CHST8: variants seen among roughly 807,000 people sequenced by gnomAD.
CHST8 encodes GALNAC-4-ST1.
In CHST8, 10 loss-of-function variants were observed where a neutral mutation model predicts 15.0. That is an observed-to-expected ratio of 0.67 (90% confidence interval 0.41 to 1.13). The LOEUF is 1.13. Among genes scored for constraint, CHST8 ranks in the 50% most tolerant of loss-of-function variants. The pLI is 0.00. For synonymous variants in CHST8, 259 were observed against 256.6 expected (o/e 1.01, Z -0.09); for missense variants, 634 against 608.2 (o/e 1.04, Z -0.45).
intron 1 of CHST8, among the ~76,000 whole-genome samples, chr19:33,659,169 G>A (rs1448366315): frequency 6.9e-6 from 1 of 145,220 alleles, no homozygotes; most frequent in Non-Finnish European, 1.5e-5. Context: ...GGGTTCAAGC[G>A]ATTCTCCTGC....
At chr19:33,697,229 T>TTTTA (rs1169968910) in intron 3 of CHST8, among the ~76,000 whole-genome samples, 3 of 152,030 alleles carry the variant, frequency 2.0e-5, no homozygotes, top group Non-Finnish European at 4.4e-5. Flanking sequence ...AATGCTTTAT[T>TTTTA]TTTATTTATT....
At chr19:33,738,398 A>G (rs913328898) in intron 3 of CHST8, among the ~76,000 whole-genome samples, 2 of 152,166 alleles carry the variant, frequency 1.3e-5, no homozygotes, top group African/African-American at 2.4e-5. Context: ...AAACACCACA[A>G]ACCAGTAGGC....
chr19:33,665,337 A>T (rs549223750), intron 1 of CHST8, among the ~76,000 whole-genome samples: 1 of 152,320 alleles, frequency 6.6e-6, no homozygotes, highest in Non-Finnish European at 1.5e-5. Context: ...ACGACCATGG[A>T]GTAAATATTC....
At chr19:33,660,950 C>G (rs1425972429) in intron 1 of CHST8, among the ~76,000 whole-genome samples, 1 of 152,080 alleles carries the variant, frequency 6.6e-6, no homozygotes, top group African/African-American at 2.4e-5. Flanking sequence ...AGTTTTGGGG[C>G]CCACCTGTCC....
chr19:33,660,123 G>A (rs901008495), intron 1 of CHST8, among the ~76,000 whole-genome samples: 3 of 152,118 alleles, frequency 2.0e-5, no homozygotes, highest in South Asian at 2.1e-4. Context: ...CTGTGGATAC[G>A]GGCCCCACCC....
chr19:33,760,299 C>CCTTCCTTCCCGCCTTCCTTCCTCCCTTA, intron 3 of CHST8, among the ~76,000 whole-genome samples: 1 of 145,736 alleles, frequency 6.9e-6, no homozygotes, highest in Non-Finnish European at 1.5e-5. Flanking sequence ...TCCCTCCCTT[C>CCTTCCTTCCCGCCTTCCTTCCTCCCTTA]CTCCCTTCTT....
At position 33,694,858 on chromosome 19, in the gene CHST8, G is replaced by A. The variant is rs556434065; in HGVS notation, c.130+5467G>A. On this transcript the variant is annotated intron_variant, in intron 3 of 4. Coordinates refer to ENST00000650847, the MANE Select transcript of CHST8 (RefSeq NM_001127895.2). ...GGCCTCCCAAAGTGTTGGGATTACAGGCGTAAGCCACCACGCCTAGCTTTA... is the reference window on the plus strand; with the variant it reads ...GGCCTCCCAAAGTGTTGGGATTACAAGCGTAAGCCACCACGCCTAGCTTTA... Among the ~76,000 whole-genome samples the A allele has an allele frequency of 2.0e-5, 3 of 152,296 alleles. No individual in the cohort carries two copies. In the South Asian group the frequency reaches 6.2e-4, roughly 32 times the overall value.
intron 3 of CHST8, among the ~76,000 whole-genome samples, chr19:33,718,936 G>A (rs1261389391): frequency 6.6e-6 from 1 of 152,096 alleles, no homozygotes; most frequent in Admixed American, 6.5e-5. Context: ...CTACTGAGAG[G>A]GAAGGAGGCC....
At chr19:33,760,166 C>T (rs1974686492) in intron 3 of CHST8, among the ~76,000 whole-genome samples, 1 of 151,966 alleles carries the variant, frequency 6.6e-6, no homozygotes, top group Non-Finnish European at 1.5e-5. Context: ...AACTCCACAC[C>T]CTAAAGCTCT....
At chr19:33,645,682 A>G (rs908413438) in intron 1 of CHST8, among the ~76,000 whole-genome samples, 10 of 152,198 alleles carry the variant, frequency 6.6e-5, no homozygotes, top group African/African-American at 2.2e-4. Context: ...TACACATGCA[A>G]TGGCAGATGT....
In CHST8 at chr19:33,715,969, C is replaced by T. The variant is rs560697875; in HGVS notation, c.130+26578C>T. Among the ~76,000 whole-genome samples, 11 of 152,346 alleles carry T rather than the reference C, an allele frequency of 7.2e-5. 2 individuals are homozygous for T. In the South Asian group the frequency reaches 2.3e-3, roughly 32 times the overall value. Reference sequence around the variant, plus strand: ...GGTCCATTTAGAAAGATACTCTCAACACATGCAATGTTGCAAGCCTGTCAC... The same window carrying T: ...GGTCCATTTAGAAAGATACTCTCAATACATGCAATGTTGCAAGCCTGTCAC... On this transcript the variant is annotated intron_variant, in intron 3 of 4. Transcript: ENST00000650847.
At chr19:33,677,630 C>T (rs962759961) in intron 2 of CHST8, among the ~76,000 whole-genome samples, 4 of 152,182 alleles carry the variant, frequency 2.6e-5, no homozygotes, top group African/African-American at 9.7e-5. Context: ...ACCAGTCCAC[C>T]AGGGGCCTAC....
At position 33,772,185 on chromosome 19, in the gene CHST8, C is replaced by A. The variant is rs1975001948; in HGVS notation, c.397C>A (p.Pro133Thr). The A allele has an allele frequency of 6.3e-7, 1 of 1,597,334 alleles. No homozygotes were observed. The highest frequency in any genetic ancestry group is 1.3e-5 in the African/African-American group (1 of 74,674). Reference protein sequence around the residue: ...ATIPANSSDAPFIRPGPGTLD... With the variant: ...ATIPANSSDATFIRPGPGTLD... ...CATCCCGGCCAACAGCTCGGACGCG[C>A]CCTTCATCCGGCCGGGACCCGGGAC... Residue 133 changes from proline to threonine, a missense_variant, in exon 5 of 5, where the codon CCC becomes ACC. Pro to Thr is a conservative substitution (Grantham distance 38). Coordinates refer to ENST00000650847, the MANE Select transcript of CHST8 (RefSeq NM_001127895.2).
At chr19:33,632,747 TTGTGTGTG>T (rs10589446) in intron 1 of CHST8, among the ~76,000 whole-genome samples, 1 of 149,612 alleles carries the variant, frequency 6.7e-6, no homozygotes, top group East Asian at 2.0e-4. Context: ...TTGGTTTTCC[TTGTGTGTG>T]TGTGTGTGTG....
intron 3 of CHST8, among the ~76,000 whole-genome samples, chr19:33,714,429 G>C (rs1973622255): frequency 6.6e-6 from 1 of 152,194 alleles, no homozygotes; most frequent in African/African-American, 2.4e-5. Flanking sequence ...TTCTCAGTAA[G>C]TGGGAGCTAA....
intron 3 of CHST8, among the ~76,000 whole-genome samples, chr19:33,725,477 G>C (rs1973875576): frequency 6.6e-6 from 1 of 152,186 alleles, no homozygotes; most frequent in Admixed American, 6.5e-5. Flanking sequence ...CCTGCGTGGG[G>C]CCTCGAGGCG....
intron 3 of CHST8, among the ~76,000 whole-genome samples, chr19:33,711,021 T>C (rs1973538931): frequency 6.6e-6 from 1 of 152,010 alleles, no homozygotes; most frequent in Admixed American, 6.6e-5. Context: ...CAAGCATATA[T>C]GACCATGTCC....
chr19:33,661,893 G>A (rs537154554), intron 1 of CHST8, among the ~76,000 whole-genome samples: 1,639 of 150,156 alleles, frequency 0.011, 17 homozygotes, highest in Middle Eastern at 0.048. Flanking sequence ...AAAAATAGGC[G>A]GGTATGGTGG....
intron 1 of CHST8, among the ~76,000 whole-genome samples, chr19:33,658,298 C>G (rs577597256): frequency 6.6e-6 from 1 of 152,320 alleles, no homozygotes; most frequent in African/African-American, 2.4e-5. Context: ...CAAGATCACA[C>G]CACTGCACTC....
Sources: gnomAD v4.1 joint callset for allele counts (sites outside exome capture counted in the v4.1 genomes callset) on GRCh38, gnomAD v4.1.1 for gene constraint, MANE v1.5 for transcripts, NCBI Gene and HGNC (gene_info 2026-07-23, HGNC 2026-07-21) for gene names.